BICC1: variants seen among roughly 807,000 people sequenced by gnomAD.
BICC1 encodes the protein BicC family RNA binding protein 1.
Under a neutral mutation model 111.0 loss-of-function variants are expected in BICC1, and 43 were observed. The ratio of observed to expected loss-of-function variants is 0.39; its 90% CI spans 0.30 to 0.50. The LOEUF (loss-of-function observed/expected upper bound fraction) is 0.50. BICC1 is among the 20% of genes least tolerant of loss of function. BICC1 has a pLI of 0.88. For synonymous variants in BICC1, 467 were observed against 434.4 expected, an observed-to-expected ratio of 1.07 and a Z score of -0.93; for missense variants, 1,091 against 1,203.2, an observed-to-expected ratio of 0.91 and a Z score of 1.38.
chr10:58,524,158 T>A (rs984244842), intron 1 of BICC1, among the ~76,000 whole-genome samples: 1 of 152,074 alleles, frequency 6.6e-6, no homozygotes, highest in Admixed American at 6.6e-5. Context: ...GCCATCCCCA[T>A]CAAGCTACCA....
chr10:58,728,669 CTG>C (rs745698809), intron 3 of BICC1, among the ~76,000 whole-genome samples: 1 of 151,758 alleles, frequency 6.6e-6, no homozygotes, highest in Non-Finnish European at 1.5e-5. Flanking sequence ...AGAGGAATAA[CTG>C]TGTCAGCTAT....
At chr10:58,538,061 A>T (rs1172770969) in intron 1 of BICC1, among the ~76,000 whole-genome samples, 3 of 152,044 alleles carry the variant, frequency 2.0e-5, no homozygotes, top group Non-Finnish European at 2.9e-5. Flanking sequence ...CAATTTACAG[A>T]TTCAATGTAA....
At chr10:58,762,056 C>G (rs1056627785) in intron 3 of BICC1, among the ~76,000 whole-genome samples, 1 of 152,050 alleles carries the variant, frequency 6.6e-6, no homozygotes, top group Admixed American at 6.5e-5. Context: ...GCACCGCCCT[C>G]GCTCTCAGTG....
At chr10:58,622,947 A>G (rs1442113428) in intron 2 of BICC1, among the ~76,000 whole-genome samples, 1 of 152,086 alleles carries the variant, frequency 6.6e-6, no homozygotes, top group Non-Finnish European at 1.5e-5. Flanking sequence ...TAGGCTTGTG[A>G]TTGGAATGTT....
At chr10:58,665,189 G>A (rs913026011) in intron 2 of BICC1, among the ~76,000 whole-genome samples, 1 of 152,094 alleles carries the variant, frequency 6.6e-6, no homozygotes, top group East Asian at 1.9e-4. Flanking sequence ...CTTGTGTGCC[G>A]AAGCCTCAGG....
At chr10:58,802,473 A>G (rs535174683) in intron 14 of BICC1, among the ~76,000 whole-genome samples, 105 of 152,338 alleles carry the variant, frequency 6.9e-4, no homozygotes, top group African/African-American at 2.4e-3. Context: ...CATTCTGTAC[A>G]TATCATGTGT....
In BICC1 at chr10:58,813,889, A is replaced by G; in HGVS notation, c.2436A>G (p.Glu812=). ...NSREHLGGGS[E]SDNWRDRNGI... is the part of the protein sequence containing the mutation. ...GTGAGCACTTGGGAGGTGGAAGCGA[A>G]TCTGATAACTGGAGAGACCGAAATG... The change falls in exon 18 of 21, where the codon GAA becomes GAG. Residue 812 remains glutamate, a synonymous_variant. Coordinates refer to ENST00000373886, the MANE Select transcript of BICC1 (RefSeq NM_001080512.3). 3.7e-6 allele frequency: 6 copies of G among 1,614,028 alleles called. No homozygotes were observed. The highest frequency in any genetic ancestry group is 5.1e-6 in the Non-Finnish European group (6 of 1,179,928).
intron 1 of BICC1, among the ~76,000 whole-genome samples, chr10:58,551,142 G>C (rs1843285483): frequency 6.6e-6 from 1 of 152,000 alleles, no homozygotes; most frequent in South Asian, 2.1e-4. Context: ...TAAAAGCAGG[G>C]CTTTTAAAAT....
chr10:58,634,743 C>G lies in BICC1; in HGVS notation c.237+13842C>G, dbSNP rs1469981520. 2.0e-5 allele frequency among the ~76,000 whole-genome samples: 3 copies of G among 152,142 alleles called. No individual in the cohort carries two copies. The East Asian group carries it at 5.8e-4, about 29-fold the overall frequency. The stretch of plus-strand genomic sequence containing the variant: ...TAATTTTCTCTCCCCAAAAGCTGAA[C>G]TATTGATAGCCTAGTGTTGACCAGA... On this transcript the variant is annotated intron_variant, in intron 2 of 20. Transcript: ENST00000373886.
intron 2 of BICC1, among the ~76,000 whole-genome samples, chr10:58,684,199 C>A (rs1408199725): frequency 6.6e-6 from 1 of 152,146 alleles, no homozygotes; most frequent in Non-Finnish European, 1.5e-5. Context: ...GTATGTTGAA[C>A]CAGCCTTGTA....
At chr10:58,658,460 T>C (rs968039930) in intron 2 of BICC1, among the ~76,000 whole-genome samples, 1 of 152,070 alleles carries the variant, frequency 6.6e-6, no homozygotes, top group Non-Finnish European at 1.5e-5. Flanking sequence ...GTGCTGGGAT[T>C]AAGGGTATGA....
chr10:58,720,782 G>A (rs1056945139), intron 3 of BICC1, among the ~76,000 whole-genome samples: 3 of 152,200 alleles, frequency 2.0e-5, no homozygotes, highest in Non-Finnish European at 4.4e-5. Context: ...GTAGGAAGGG[G>A]TTAAAATACT....
At chr10:58,737,342 T>C (rs182715944) in intron 3 of BICC1, among the ~76,000 whole-genome samples, 1 of 152,272 alleles carries the variant, frequency 6.6e-6, no homozygotes, top group Admixed American at 6.5e-5. Flanking sequence ...AGTGAGAACA[T>C]GCGGTGTTTG....
intron 19 of BICC1, among the ~76,000 whole-genome samples, chr10:58,819,471 G>C (rs1334553788): frequency 6.6e-6 from 1 of 152,072 alleles, no homozygotes; most frequent in African/African-American, 2.4e-5. Context: ...ACTCAGATGT[G>C]ATTTAACAAG....
intron 2 of BICC1, among the ~76,000 whole-genome samples, chr10:58,651,108 A>G (rs1838433475): frequency 1.3e-5 from 2 of 152,178 alleles, no homozygotes; most frequent in South Asian, 4.1e-4. Flanking sequence ...AATGATTGCT[A>G]CCACGCTCTA....
chr10:58,716,584 G>A (rs1331626774), intron 3 of BICC1, among the ~76,000 whole-genome samples: 2 of 152,158 alleles, frequency 1.3e-5, no homozygotes, highest in African/African-American at 4.8e-5. Context: ...GACTAGAAAT[G>A]TCTAAGGATA....
At chr10:58,727,536 A>G (rs1046371203) in intron 3 of BICC1, among the ~76,000 whole-genome samples, 2 of 152,118 alleles carry the variant, frequency 1.3e-5, no homozygotes, top group Non-Finnish European at 2.9e-5. Flanking sequence ...ACAGTGAGCC[A>G]AGATCATGCC....
chr10:58,585,232 A>G (rs1254841264), intron 1 of BICC1, among the ~76,000 whole-genome samples: 1 of 152,148 alleles, frequency 6.6e-6, no homozygotes, highest in Admixed American at 6.5e-5. Context: ...AGCAAGGCTT[A>G]GGTAGTCTGT....
chr10:58,752,730 T>C (rs1417575080), intron 3 of BICC1, among the ~76,000 whole-genome samples: 2 of 152,202 alleles, frequency 1.3e-5, no homozygotes, highest in Non-Finnish European at 2.9e-5. Context: ...TGGTGGGCAA[T>C]GTTTTGTTAC....
Sources: gnomAD v4.1 joint callset for allele counts (sites outside exome capture counted in the v4.1 genomes callset) on GRCh38, gnomAD v4.1.1 for gene constraint, MANE v1.5 for transcripts, NCBI Gene and HGNC (gene_info 2026-07-23, HGNC 2026-07-21) for gene names.